Variants in ZNF672 observed in about 807,000 individuals in gnomAD.
ZNF672 encodes zinc finger protein 672, also known as hypothetical protein FLJ22301.
For synonymous variants in ZNF672, 358 were observed against 305.6 expected (o/e 1.17, Z -1.79); for missense variants, 733 against 701.1 (o/e 1.05, Z -0.51).
intron 1 of ZNF672, among the ~76,000 whole-genome samples, chr1:248,840,799 C>T (rs548357496): frequency 9.5e-5 from 11 of 115,208 alleles, no homozygotes; most frequent in African/African-American, 2.1e-4. Flanking sequence ...GTTCAGGGTA[C>T]GATGACTGTA....
intron 1 of ZNF672, among the ~76,000 whole-genome samples, chr1:248,841,354 C>A (rs902854264): frequency 1.3e-5 from 2 of 152,214 alleles, no homozygotes; most frequent in Non-Finnish European, 2.9e-5. Flanking sequence ...GGGCTCTGGC[C>A]ACTCTGGGCT....
In ZNF672 at chr1:248,844,577, C is replaced by G. The variant is rs1664727487; in HGVS notation, c.-380C>G. On this transcript the variant is annotated 5_prime_UTR_variant, in exon 2 of 4. Transcript: ENST00000306562. ...GACTTGAAGAGCGTGCCTTGGGACT[C>G]AAGCGCCAAACCTGTACCCTAGCGA... The G allele has an allele frequency of 1.3e-5, 2 of 152,236 alleles. No homozygotes were observed. Among genetic ancestry groups the G allele is most frequent in the Non-Finnish European group, 2.9e-5 (2 of 68,052 alleles). 9.4% of individuals were successfully genotyped at this position (152,236 alleles called of 1,614,324 possible).
Position 248,847,254 on chromosome 1 carries a change from C to T in ZNF672, c.-21C>T, listed in dbSNP as rs751836560. On this transcript the variant is annotated 5_prime_UTR_variant, in exon 4 of 4. Coordinates refer to ENST00000306562, the MANE Select transcript of ZNF672 (RefSeq NM_024836.3). ...ACCCCAGAGTGTGAGTGGCACGCTT[C>T]CCTGTGAACCCGTCCTCACCATGTT... 3.1e-6 allele frequency: 5 copies of T among 1,589,316 alleles called. No homozygotes were observed. Among genetic ancestry groups the T allele is most frequent in the Non-Finnish European group, 2.6e-6 (3 of 1,159,840 alleles).
chr1:248,849,203 C>A lies in ZNF672; in HGVS notation c.*570C>A. 1 of 420,266 alleles carries A rather than the reference C, an allele frequency of 2.4e-6. No homozygotes were observed. The highest frequency in any genetic ancestry group is 1.9e-5 in the South Asian group (1 of 53,834). The allele number at this position is 420,266 out of a possible 1,614,324, so 26.0% of individuals were successfully genotyped here. A position where few individuals can be genotyped will look rare whatever the true frequency, so the allele number is the denominator to read the frequency against. On this transcript the variant is annotated 3_prime_UTR_variant, in exon 4 of 4. Coordinates refer to ENST00000306562, the MANE Select transcript of ZNF672 (RefSeq NM_024836.3). ...CACTTCCATGAAGGATGTCTCCATG[C>A]TAGGAGCTGCCTGCACCCTGGCAGA... is the stretch of plus-strand genomic sequence containing the variant.
At position 248,847,197 on chromosome 1, in the gene ZNF672, A is replaced by C. The variant is rs1466946161; in HGVS notation, c.-78A>C. The C allele has an allele frequency of 6.6e-7, 1 of 1,516,956 alleles. No homozygotes were observed. The highest frequency in any genetic ancestry group is 1.3e-5 in the South Asian group (1 of 77,596). 94.0% of individuals were successfully genotyped at this position (1,516,956 alleles called of 1,614,324 possible). A position where few individuals can be genotyped will look rare whatever the true frequency, so the allele number is the denominator to read the frequency against. ...CAGTGCCCTTTCCAGGCCTTAAGAG[A>C]AGTAAAACTTAGCTGCAGCGTCAGG... On this transcript the variant is annotated 5_prime_UTR_variant, in exon 4 of 4. Transcript: ENST00000306562.
At chr1:248,843,396 T>A (rs1664708394) in intron 1 of ZNF672, among the ~76,000 whole-genome samples, 1 of 152,160 alleles carries the variant, frequency 6.6e-6, no homozygotes, top group Non-Finnish European at 1.5e-5. Context: ...CAGGTCTAGG[T>A]GTCCAGTTTC....
intron 3 of ZNF672, among the ~76,000 whole-genome samples, chr1:248,845,883 AC>A (rs1664750994): frequency 6.6e-6 from 1 of 152,128 alleles, no homozygotes; most frequent in Non-Finnish European, 1.5e-5. Context: ...CTGGAGACTG[AC>A]CTGTGGCCCC....
rs1257672822 is a variant in ZNF672 at position 248,847,274 on chromosome 1, C to T, written c.-1C>T. 1.3e-6 allele frequency: 2 copies of T among 1,597,592 alleles called. No individual in the cohort carries two copies. Among genetic ancestry groups the T allele is most frequent in the Middle Eastern group, 1.7e-4 (1 of 6,018 alleles). ...CGCTTCCCTGTGAACCCGTCCTCACCATGTTTGCCACATCTGGGGCAGTGG... is the reference window on the plus strand; with the variant it reads ...CGCTTCCCTGTGAACCCGTCCTCACTATGTTTGCCACATCTGGGGCAGTGG... On this transcript the variant is annotated 5_prime_UTR_variant, in exon 4 of 4. Coordinates refer to ENST00000306562, the MANE Select transcript of ZNF672 (RefSeq NM_024836.3).
In ZNF672 at chr1:248,845,675, C is replaced by T. The variant is rs917783730; in HGVS notation, c.-224+13C>T. The T allele has an allele frequency of 1.3e-5, 2 of 152,164 alleles. No individual in the cohort carries two copies. Among genetic ancestry groups the T allele is most frequent in the African/African-American group, 4.8e-5 (2 of 41,434 alleles). 9.4% of individuals were successfully genotyped at this position (152,164 alleles called of 1,614,324 possible). On this transcript the variant is annotated intron_variant, in intron 3 of 3. Transcript: ENST00000306562. ...CCCAGACTTGCAGGTTTGCTATTTT[C>T]ACTTTACCCCATTTGTATCCAAAAC... is the stretch of plus-strand genomic sequence containing the variant.
Position 248,849,001 on chromosome 1 carries a change from C to T in ZNF672, c.*368C>T. 2 of 539,870 alleles carry T rather than the reference C, an allele frequency of 3.7e-6. No individual in the cohort carries two copies. The highest frequency in any genetic ancestry group is 7.4e-6 in the Non-Finnish European group (2 of 271,812). The allele number at this position is 539,870 out of a possible 1,614,324, so 33.4% of individuals were successfully genotyped here. A position where few individuals can be genotyped will look rare whatever the true frequency, so the allele number is the denominator to read the frequency against. The stretch of plus-strand genomic sequence containing the variant: ...TGCCTTTATTCTGTCTTCTCTTGTC[C>T]TATCTCATTCCAGCCCACATCTTCT... On this transcript the variant is annotated 3_prime_UTR_variant, in exon 4 of 4. Coordinates refer to ENST00000306562, the MANE Select transcript of ZNF672 (RefSeq NM_024836.3).
chr1:248,845,034 G>A (rs6684471), intron 2 of ZNF672, among the ~76,000 whole-genome samples: 76,103 of 152,118 alleles, frequency 0.5, 23,196 homozygotes, highest in Middle Eastern at 0.71. Flanking sequence ...AGGCCAAAGC[G>A]GGTGGATCAC....
rs1166146659 is a variant in ZNF672 at position 248,847,521 on chromosome 1, G to C, written c.247G>C (p.Gly83Arg). The change falls in exon 4 of 4, where the codon GGC (glycine) becomes CGC (arginine). Residue 83 changes from glycine (G) to arginine (R), a missense_variant. By Grantham distance (125) the Gly-to-Arg change is moderately radical. Transcript: ENST00000306562. ...GTGCGGACAAAGCTTCCGCCACAGC[G>C]GCCGTCTTGACCTACACTTGGGCGC... ...SECGQSFRHS[G>R]RLDLHLGAHR... is the part of the protein sequence containing the mutation. The C allele has an allele frequency of 6.3e-7, 1 of 1,597,706 alleles. No individual in the cohort carries two copies. Among genetic ancestry groups the C allele is most frequent in the African/African-American group, 1.3e-5 (1 of 74,512 alleles).
rs1019535573 is a variant in ZNF672 at position 248,847,504 on chromosome 1, A to G, written c.230A>G (p.Gln77Arg). 6.3e-7 allele frequency: 1 copy of G among 1,598,226 alleles called. No individual in the cohort carries two copies. Among genetic ancestry groups the G allele is most frequent in the Non-Finnish European group, 8.5e-7 (1 of 1,172,906 alleles). ...QTLYICSECG[Q>R]SFRHSGRLDL... ...CTCTACATCTGCAGTGAGTGCGGAC[A>G]AAGCTTCCGCCACAGCGGCCGTCTT... The change falls in exon 4 of 4, where the codon CAA (glutamine) becomes CGA (arginine). Residue 77 changes from glutamine to arginine, a missense_variant. Gln to Arg is a conservative substitution (Grantham distance 43, BLOSUM62 1). Transcript: ENST00000306562.
chr1:248,848,502 C>T lies in ZNF672; in HGVS notation c.1228C>T (p.Leu410=). 6.2e-7 allele frequency: 1 copy of T among 1,604,008 alleles called. No individual in the cohort carries two copies. The highest frequency in any genetic ancestry group is 8.5e-7 in the Non-Finnish European group (1 of 1,175,240). ...CGKCFSHSRS[L]SQHQRAHTRA... is the part of the protein sequence containing the mutation. The stretch of plus-strand genomic sequence containing the variant: ...CAAGTGCTTCAGCCACAGCCGCTCG[C>T]TGTCACAGCATCAGCGGGCCCACAC... The change falls in exon 4 of 4, where the codon CTG becomes TTG. Residue 410 remains leucine (L), a synonymous_variant. Coordinates refer to ENST00000306562, the MANE Select transcript of ZNF672 (RefSeq NM_024836.3).
intron 2 of ZNF672, among the ~76,000 whole-genome samples, 172 bp downstream of exon 2, chr1:248,844,808 G>A (rs951595442): frequency 3.3e-5 from 5 of 152,224 alleles, no homozygotes; most frequent in African/African-American, 4.8e-5. Flanking sequence ...CACTCAGTGG[G>A]GCCTGAGCAT....
intron 3 of ZNF672, among the ~76,000 whole-genome samples, chr1:248,846,306 A>G (rs1016125873): frequency 1.3e-5 from 2 of 152,188 alleles, no homozygotes; most frequent in Non-Finnish European, 2.9e-5. Flanking sequence ...TTCTTGGATA[A>G]TGCCACCAAC....
At chr1:248,843,518 C>A (rs1664710024) in intron 1 of ZNF672, among the ~76,000 whole-genome samples, 1 of 152,192 alleles carries the variant, frequency 6.6e-6, no homozygotes, top group South Asian at 2.1e-4. Flanking sequence ...CAGACAGGGT[C>A]AGTGACCTTT....
In ZNF672 at chr1:248,848,009, C is replaced by T; in HGVS notation, c.735C>T (p.His245=). Residue 245 remains histidine, a synonymous_variant, in exon 4 of 4, where the codon CAC becomes CAT. Coordinates refer to ENST00000306562, the MANE Select transcript of ZNF672 (RefSeq NM_024836.3). Reference sequence around the variant, plus strand: ...TGGAGAGCGCCACGCTGGTGCGCCACCAGCGCACACACACGGGCGAGAAGC... The same window carrying T: ...TGGAGAGCGCCACGCTGGTGCGCCATCAGCGCACACACACGGGCGAGAAGC... The part of the protein sequence containing the change: ...GFLESATLVR[H]QRTHTGEKPY... The T allele has an allele frequency of 1.3e-6, 2 of 1,556,604 alleles. No homozygotes were observed. Among genetic ancestry groups the T allele is most frequent in the Non-Finnish European group, 1.7e-6 (2 of 1,151,368 alleles).
In ZNF672 at chr1:248,848,731, GAA is replaced by G; in HGVS notation, c.*101_*102del. 6.8e-7 allele frequency: 1 copy of G among 1,460,076 alleles called. No homozygotes were observed. The highest frequency in any genetic ancestry group is 9.1e-7 in the Non-Finnish European group (1 of 1,098,402). 90.4% of individuals were successfully genotyped at this position (1,460,076 alleles called of 1,614,324 possible). On this transcript the variant is annotated 3_prime_UTR_variant, in exon 4 of 4. Coordinates refer to ENST00000306562, the MANE Select transcript of ZNF672 (RefSeq NM_024836.3). The stretch of plus-strand genomic sequence containing the variant: ...AGGCAACTCGTAGATGGAGATTTGG[GAA>G]AAGACGATGTGGCCTCCTACCTTTC...
Sources: allele counts gnomAD v4.1 joint callset (sites outside exome capture counted in the v4.1 genomes callset), GRCh38; gene constraint gnomAD v4.1.1; transcripts MANE v1.5; gene names NCBI Gene and HGNC (gene_info 2026-07-23, HGNC 2026-07-21).